CLASP2: variants seen among roughly 807,000 people sequenced by gnomAD.
The protein encoded by CLASP2 is CLIP-associating protein 2.
In CLASP2, 47 loss-of-function variants were observed where a neutral mutation model predicts 194.4. The observed-to-expected ratio is 0.24, with a 90% CI of 0.19 to 0.31. The LOEUF (loss-of-function observed/expected upper bound fraction) is 0.31. Among genes scored for constraint, CLASP2 ranks in the 10% least tolerant of loss-of-function variants. The pLI is 1.00. For synonymous variants in CLASP2, 619 were observed against 633.5 expected, an observed-to-expected ratio of 0.98 and a Z score of 0.34; for missense variants, 1,445 against 1,823.6, an observed-to-expected ratio of 0.79 and a Z score of 3.78.
At chr3:33,700,665 GTAAAAC>G (rs1175907748) in intron 1 of CLASP2, among the ~76,000 whole-genome samples, 5 of 151,846 alleles carry the variant, frequency 3.3e-5, no homozygotes, top group African/African-American at 1.2e-4. Flanking sequence ...AACCAACATG[GTAAAAC>G]TCTGTCTCTA....
At chr3:33,604,013 C>G (rs1204373350) in intron 17 of CLASP2, 141 bp downstream of exon 17, 1 of 626,570 alleles carries the variant, frequency 1.6e-6, no homozygotes, top group African/African-American at 1.8e-5. Context: ...TACACGTATA[C>G]ATATACAGGT....
chr3:33,498,974 T>C (rs2046201901), intron 38 of CLASP2, among the ~76,000 whole-genome samples: 1 of 152,178 alleles, frequency 6.6e-6, no homozygotes, highest in African/African-American at 2.4e-5. Flanking sequence ...TTTTATCATG[T>C]CTTTTCAAAA....
intron 34 of CLASP2, among the ~76,000 whole-genome samples, chr3:33,527,081 CA>C (rs1445122298): frequency 1.3e-5 from 2 of 151,954 alleles, no homozygotes; most frequent in South Asian, 4.2e-4. Context: ...GAAGGAAGAA[CA>C]AATTAACCCC....
Position 33,632,375 on chromosome 3 carries a change from C to T in CLASP2, c.863-4G>A, listed in dbSNP as rs538574121. Reference sequence around the variant, plus strand: ...GCACCTCCTTCCTTAGAAGCACCTGCTAATTAAAAGGAAATTAATTTCCTA... The same window carrying T: ...GCACCTCCTTCCTTAGAAGCACCTGTTAATTAAAAGGAAATTAATTTCCTA... On this transcript the variant is annotated splice_polypyrimidine_tract_variant and splice_region_variant and intron_variant, in intron 8 of 38. Transcript: ENST00000682230. 3 of 1,582,120 alleles carry T rather than the reference C, an allele frequency of 1.9e-6. No individual in the cohort carries two copies. In the African/African-American group the frequency reaches 4.1e-5, roughly 21 times the overall value.
At position 33,531,139 on chromosome 3, in the gene CLASP2, AC is replaced by A. The variant is rs58464843; in HGVS notation, c.3787+4093del. On this transcript the variant is annotated intron_variant, in intron 34 of 38. Coordinates refer to ENST00000682230, the MANE Select transcript of CLASP2 (RefSeq NM_001365631.1). The stretch of plus-strand genomic sequence containing the variant: ...AATGGCATAAAGACAGACACATAGA[AC>A]AAGAATAGAATATACAGCCCCCAAA... 5.1e-3 allele frequency among the ~76,000 whole-genome samples: 779 copies of A among 152,304 alleles called. 9 individuals are homozygous for A. The highest frequency in any genetic ancestry group is 0.018 in the African/African-American group (758 of 41,584).
At chr3:33,638,416 T>C (rs2080617771) in intron 8 of CLASP2, among the ~76,000 whole-genome samples, 1 of 152,186 alleles carries the variant, frequency 6.6e-6, no homozygotes, top group African/African-American at 2.4e-5. Context: ...GCCATTCTCC[T>C]GCCTCAGCCT....
At chr3:33,545,913 A>AC (rs2059086728) in intron 30 of CLASP2, among the ~76,000 whole-genome samples, 1 of 152,036 alleles carries the variant, frequency 6.6e-6, no homozygotes, top group Admixed American at 6.6e-5. Context: ...TAAAAGGAAA[A>AC]AAAAAAAAAA....
In CLASP2 at chr3:33,544,773, A is replaced by C; in HGVS notation, c.3222T>G (p.Ala1074=). Residue 1074 remains alanine (A), a synonymous_variant, in exon 31 of 39, where the codon GCT becomes GCG. Transcript: ENST00000682230. The part of the protein sequence containing the change: ...NTPEFTMLLG[A]LPKTFQDGAT... Reference sequence around the variant, plus strand: ...CACCATCCTGAAAAGTTTTTGGTAAAGCTCCTAATAACATTGTAAACTCTG... The same window carrying C: ...CACCATCCTGAAAAGTTTTTGGTAACGCTCCTAATAACATTGTAAACTCTG... The C allele has an allele frequency of 6.2e-7, 1 of 1,613,472 alleles. No homozygotes were observed. Among genetic ancestry groups the C allele is most frequent in the Non-Finnish European group, 8.5e-7 (1 of 1,179,572 alleles).
At chr3:33,647,756 C>T (rs770399934) in intron 7 of CLASP2, among the ~76,000 whole-genome samples, 21 of 152,092 alleles carry the variant, frequency 1.4e-4, no homozygotes, top group African/African-American at 4.3e-4. Context: ...GTAAGTAGGC[C>T]GGGCGCGGTG....
At chr3:33,608,977 T>C (rs959086594) in intron 13 of CLASP2, among the ~76,000 whole-genome samples, 3 of 152,102 alleles carry the variant, frequency 2.0e-5, no homozygotes, top group African/African-American at 7.2e-5. Flanking sequence ...ACTTAAAATG[T>C]GTGTCAAATA....
At chr3:33,715,771 T>C (rs968330337) in intron 1 of CLASP2, among the ~76,000 whole-genome samples, 7 of 147,456 alleles carry the variant, frequency 4.7e-5, no homozygotes, top group Admixed American at 1.4e-4. Flanking sequence ...AATTGAAGTA[T>C]GATTCTATTT....
intron 1 of CLASP2, among the ~76,000 whole-genome samples, chr3:33,708,442 TTG>T (rs201755881): frequency 1.3e-5 from 2 of 148,930 alleles, no homozygotes; most frequent in African/African-American, 4.9e-5. Flanking sequence ...TAATATTCCT[TTG>T]TGTGTGTGTC....
At chr3:33,556,831 G>A (rs1466413292) in intron 29 of CLASP2, among the ~76,000 whole-genome samples, 1 of 152,134 alleles carries the variant, frequency 6.6e-6, no homozygotes, top group Non-Finnish European at 1.5e-5. Context: ...GAAACAATCT[G>A]TGATTCCAGT....
chr3:33,510,903 T>C (rs1231011937), intron 36 of CLASP2, 139 bp from the exon 37 acceptor site: 2 of 780,348 alleles, frequency 2.6e-6, no homozygotes, highest in Non-Finnish European at 4.0e-6. Flanking sequence ...ACATGAAAAG[T>C]GAGGGTACAG....
intron 34 of CLASP2, among the ~76,000 whole-genome samples, chr3:33,518,057 G>A (rs1228622608): frequency 6.6e-6 from 1 of 152,220 alleles, no homozygotes; most frequent in East Asian, 1.9e-4. Context: ...CCATGGGGTA[G>A]AATTCTTCTG....
intron 8 of CLASP2, among the ~76,000 whole-genome samples, chr3:33,633,264 T>C (rs774951592): frequency 2.6e-5 from 4 of 152,146 alleles, no homozygotes; most frequent in Non-Finnish European, 4.4e-5. Context: ...TGAGTTCTCA[T>C]TCCTGAATGT....
At chr3:33,630,632 G>A (rs1026245851) in intron 9 of CLASP2, among the ~76,000 whole-genome samples, 1 of 152,158 alleles carries the variant, frequency 6.6e-6, no homozygotes, top group Admixed American at 6.5e-5. Context: ...AAGACTTAGG[G>A]GAGTTGCTGC....
intron 21 of CLASP2, among the ~76,000 whole-genome samples, chr3:33,589,618 G>A (rs899380257): frequency 1.3e-5 from 2 of 152,056 alleles, no homozygotes; most frequent in African/African-American, 4.8e-5. Flanking sequence ...ATTTTACAGA[G>A]GGAAAGTCTT....
In CLASP2 at chr3:33,607,446, C is replaced by T; in HGVS notation, c.1464G>A (p.Leu488=). 6.2e-7 allele frequency: 1 copy of T among 1,608,138 alleles called. No individual in the cohort carries two copies. The highest frequency in any genetic ancestry group is 8.5e-7 in the Non-Finnish European group (1 of 1,177,332). Residue 488 remains leucine (L), a synonymous_variant, in exon 15 of 39, where the codon TTG becomes TTA. Transcript: ENST00000682230. ...GAATTCCCTTTTTAATAGTTTCAAC[C>T]AAGACGGCTGCATGTCTATAAAATA... ...THSLERHAAV[L]VETIKKGIHD...
Sources: allele counts gnomAD v4.1 joint callset (sites outside exome capture counted in the v4.1 genomes callset), GRCh38; gene constraint gnomAD v4.1.1; transcripts MANE v1.5; gene names NCBI Gene and HGNC (gene_info 2026-07-23, HGNC 2026-07-21).